MIPOL1: variants seen among roughly 807,000 people sequenced by gnomAD.
MIPOL1 encodes mirror-image polydactyly gene 1 protein.
A neutral mutation model predicts 60.9 loss-of-function variants in MIPOL1; 57 were observed. That is an observed-to-expected ratio of 0.94 (90% CI 0.76 to 1.17). The LOEUF (loss-of-function observed/expected upper bound fraction) is 1.17, where lower values mean the gene tolerates loss of function less well. Ranked by LOEUF, MIPOL1 falls within the 50% of genes most tolerant of loss-of-function variation. MIPOL1 has a pLI of 0.00. For synonymous variants in MIPOL1, 179 were observed against 168.8 expected (o/e 1.06, Z -0.47); for missense variants, 551 against 511.6 (o/e 1.08, Z -0.74).
At chr14:37,341,663 T>C (rs180823487) in intron 9 of MIPOL1, among the ~76,000 whole-genome samples, 2 of 152,342 alleles carry the variant, frequency 1.3e-5, no homozygotes, top group Non-Finnish European at 2.9e-5. Flanking sequence ...CAAGCTGGTT[T>C]TGGATACCTG....
chr14:37,211,718 T>C (rs1380800677), intron 1 of MIPOL1, among the ~76,000 whole-genome samples: 1 of 152,004 alleles, frequency 6.6e-6, no homozygotes, highest in East Asian at 1.9e-4. Context: ...GGGGGGCATG[T>C]GACATACTGA....
At position 37,481,608 on chromosome 14, in the gene MIPOL1, CACA is replaced by C. The variant is rs1216438997; in HGVS notation, c.1032-18299_1032-18297del. The stretch of plus-strand genomic sequence containing the variant: ...ACACACACACACACACACACACACA[CACA>C]CCGAAACCACATAGCCAAGGGAATC... On this transcript the variant is annotated intron_variant, in intron 11 of 12. Coordinates refer to ENST00000684589, the MANE Select transcript of MIPOL1 (RefSeq NM_001388067.1). 1.2e-3 allele frequency among the ~76,000 whole-genome samples: 174 copies of C among 141,832 alleles called. 2 individuals carry two copies. The highest frequency in any genetic ancestry group is 6.4e-4 in the African/African-American group (24 of 37,708). 93.0% of individuals were successfully genotyped at this position (141,832 alleles called of 152,430 possible). A position where few individuals can be genotyped will look rare whatever the true frequency, so the allele number is the denominator to read the frequency against.
At chr14:37,385,822 G>T (rs2093052095) in intron 10 of MIPOL1, 1 of 151,994 alleles carries the variant, frequency 6.6e-6, no homozygotes, top group Non-Finnish European at 1.5e-5. Context: ...ATTGAAAGAA[G>T]TTTGTGAAAA....
Position 37,499,991 on chromosome 14 carries a change from A to G in MIPOL1, c.1115A>G (p.Asn372Ser). Residue 372 changes from asparagine to serine, a missense_variant, in exon 12 of 13, where the codon AAC (asparagine) becomes AGC (serine). By Grantham distance (46) the Asn-to-Ser change is conservative. Transcript: ENST00000684589. ...TLSTYEEALK[N>S]RENIVSITQQ... The stretch of plus-strand genomic sequence containing the variant: ...AGTACATATGAAGAAGCTTTAAAAA[A>G]CAGAGAGAACATTGTTTCCATCACT... 1 of 1,613,714 alleles carries G rather than the reference A, an allele frequency of 6.2e-7. No individual in the cohort carries two copies. Among genetic ancestry groups the G allele is most frequent in the South Asian group, 1.1e-5 (1 of 91,070 alleles).
intron 10 of MIPOL1, among the ~76,000 whole-genome samples, chr14:37,412,740 T>C (rs752776173): frequency 5.9e-5 from 9 of 152,062 alleles, no homozygotes; most frequent in Non-Finnish European, 1.0e-4. Flanking sequence ...GTTAAACAGG[T>C]GTGTTCACTT....
intron 12 of MIPOL1, among the ~76,000 whole-genome samples, chr14:37,527,218 G>GT (rs1041789515): frequency 3.5e-4 from 53 of 150,084 alleles, no homozygotes; most frequent in African/African-American, 9.5e-4. Flanking sequence ...AATTTTGCAT[G>GT]TTTTTTTTTA....
chr14:37,366,954 G>A (rs906669965), intron 9 of MIPOL1, among the ~76,000 whole-genome samples: 1 of 151,842 alleles, frequency 6.6e-6, no homozygotes, highest in African/African-American at 2.4e-5. Context: ...TGTTTTGTCT[G>A]ATATAAGCAT....
chr14:37,528,519 A>T (rs1036203154), intron 12 of MIPOL1, among the ~76,000 whole-genome samples: 17 of 152,110 alleles, frequency 1.1e-4, no homozygotes, highest in Non-Finnish European at 8.8e-5. Flanking sequence ...GGAACTGTGT[A>T]TTTTTAACTC....
chr14:37,412,811 C>T (rs1447576187), intron 10 of MIPOL1, among the ~76,000 whole-genome samples: 2 of 151,822 alleles, frequency 1.3e-5, no homozygotes, highest in Non-Finnish European at 2.9e-5. Flanking sequence ...ATGAAACATT[C>T]ATGTAAAATA....
At chr14:37,250,335 G>T in intron 3 of MIPOL1, among the ~76,000 whole-genome samples, 1 of 152,088 alleles carries the variant, frequency 6.6e-6, no homozygotes. Flanking sequence ...GTCACTTGAG[G>T]TCAGGAGTTC....
intron 7 of MIPOL1, among the ~76,000 whole-genome samples, chr14:37,293,532 A>G (rs2085299314): frequency 6.6e-6 from 1 of 152,166 alleles, no homozygotes; most frequent in Admixed American, 6.5e-5. Flanking sequence ...CGGGAAGCGC[A>G]AGGGGTCAGG....
chr14:37,515,216 T>G lies in MIPOL1; in HGVS notation c.1262+15078T>G, dbSNP rs183436102. 3.3e-5 allele frequency among the ~76,000 whole-genome samples: 5 copies of G among 152,278 alleles called. No homozygotes were observed. The East Asian group carries it at 9.7e-4, about 29-fold the overall frequency. On this transcript the variant is annotated intron_variant, in intron 12 of 12. Coordinates refer to ENST00000684589, the MANE Select transcript of MIPOL1 (RefSeq NM_001388067.1). ...AATATAATTACAGCTGAAGCATATCTTCTTTCTTCCTTCAGTGTTATACAT... is the reference window on the plus strand; with the variant it reads ...AATATAATTACAGCTGAAGCATATCGTCTTTCTTCCTTCAGTGTTATACAT...
At chr14:37,266,208 G>T (rs1166919616) in intron 3 of MIPOL1, among the ~76,000 whole-genome samples, 1 of 152,042 alleles carries the variant, frequency 6.6e-6, no homozygotes, top group Non-Finnish European at 1.5e-5. Context: ...GAGTTCAGGG[G>T]ATCACAAAAT....
chr14:37,486,028 C>A lies in MIPOL1; in HGVS notation c.1032-13880C>A, dbSNP rs137886382. Among the ~76,000 whole-genome samples, 1,049 of 152,158 alleles carry A rather than the reference C, an allele frequency of 6.9e-3. 12 individuals carry two copies. The highest frequency in any genetic ancestry group is 0.024 in the African/African-American group (1,011 of 41,506). On this transcript the variant is annotated intron_variant, in intron 11 of 12. Coordinates refer to ENST00000684589, the MANE Select transcript of MIPOL1 (RefSeq NM_001388067.1). ...TTTGTATAAGATGTAAGGAAGGGAT[C>A]CAGTTTTAGTTTTCTTCATATGGCT... is the stretch of plus-strand genomic sequence containing the variant.
intron 11 of MIPOL1, among the ~76,000 whole-genome samples, chr14:37,424,495 A>G (rs2153553448): frequency 1.3e-5 from 2 of 152,304 alleles, no homozygotes; most frequent in South Asian, 4.1e-4. Context: ...TCTCCTTTAC[A>G]GTTGTCAGAA....
At chr14:37,407,993 G>A (rs1387023464) in intron 10 of MIPOL1, among the ~76,000 whole-genome samples, 1 of 150,920 alleles carries the variant, frequency 6.6e-6, no homozygotes, top group Admixed American at 6.6e-5. Flanking sequence ...GAAACTACAG[G>A]TGTGCACCAC....
intron 3 of MIPOL1, among the ~76,000 whole-genome samples, chr14:37,262,828 C>T (rs552534310): frequency 6.6e-6 from 1 of 152,246 alleles, no homozygotes; most frequent in East Asian, 1.9e-4. Flanking sequence ...CTCAACCACT[C>T]TGAAGAAACA....
intron 7 of MIPOL1, among the ~76,000 whole-genome samples, chr14:37,296,062 C>T (rs2085639442): frequency 6.6e-6 from 1 of 152,110 alleles, no homozygotes; most frequent in Non-Finnish European, 1.5e-5. Context: ...AAGTAAAGCA[C>T]TCCTCAGCAA....
intron 9 of MIPOL1, among the ~76,000 whole-genome samples, chr14:37,356,450 A>C (rs375244391): frequency 1.3e-5 from 2 of 152,018 alleles, no homozygotes; most frequent in African/African-American, 2.4e-5. Flanking sequence ...TCGAGCTTCC[A>C]GGCTGCTTTG....
Sources: allele counts gnomAD v4.1 joint callset (sites outside exome capture counted in the v4.1 genomes callset), GRCh38; gene constraint gnomAD v4.1.1; transcripts MANE v1.5; gene names NCBI Gene and HGNC (gene_info 2026-07-23, HGNC 2026-07-21).